ABCB5: variants seen among roughly 807,000 people sequenced by gnomAD.
ABCB5 encodes the protein ATP-binding cassette sub-family B member 5.
ABCB5 carries 155 observed loss-of-function variants against 144.2 expected under a neutral mutation model. The ratio of observed to expected loss-of-function variants is 1.08; its 90% CI spans 0.94 to 1.23. The LOEUF (loss-of-function observed/expected upper bound fraction) is 1.23, where lower values mean the gene tolerates loss of function less well. Among genes scored for constraint, ABCB5 ranks in the 50% most tolerant of loss-of-function variants. The pLI, the probability that ABCB5 is intolerant of heterozygous loss-of-function variation, is 0.00. For synonymous variants in ABCB5, 610 were observed against 528.6 expected, an observed-to-expected ratio of 1.15 and a Z score of -2.11; for missense variants, 1,830 against 1,520.8, an observed-to-expected ratio of 1.20 and a Z score of -3.38.
At chr7:20,648,794 T>A (rs1189259151) in intron 11 of ABCB5, among the ~76,000 whole-genome samples, 1 of 152,196 alleles carries the variant, frequency 6.6e-6, no homozygotes, top group African/African-American at 2.4e-5. Context: ...TACCTACTCC[T>A]ACTTCCTTAT....
intron 13 of ABCB5, among the ~76,000 whole-genome samples, chr7:20,654,751 A>C (rs1419447961): frequency 6.6e-6 from 1 of 152,214 alleles, no homozygotes; most frequent in African/African-American, 2.4e-5. Flanking sequence ...AATTTCAAGA[A>C]AAATGAAAAA....
intron 11 of ABCB5, among the ~76,000 whole-genome samples, chr7:20,649,403 C>T (rs575643535): frequency 6.6e-6 from 1 of 152,264 alleles, no homozygotes; most frequent in African/African-American, 2.4e-5. Flanking sequence ...AACAGGATCA[C>T]TGTTGTCATT....
At chr7:20,632,167 A>C (rs1784054126) in intron 5 of ABCB5, 54 bp downstream of exon 5, 13 of 1,277,356 alleles carry the variant, frequency 1.0e-5, no homozygotes, top group Non-Finnish European at 1.4e-5. Flanking sequence ...CTTTATTTAA[A>C]GCTTACAAGA....
At chr7:20,690,277 T>C (rs139140741) in intron 16 of ABCB5, among the ~76,000 whole-genome samples, 28 of 152,368 alleles carry the variant, frequency 1.8e-4, no homozygotes, top group African/African-American at 6.7e-4. Context: ...CCCTTATAGA[T>C]AATTTACAAT....
chr7:20,649,882 A>G, intron 11 of ABCB5, 140 bp from the exon 12 acceptor site: 5 of 864,454 alleles, frequency 5.8e-6, no homozygotes, highest in Non-Finnish European at 8.6e-6. Flanking sequence ...CTACACATGT[A>G]CATGAAACAA....
At chr7:20,623,237 T>C in intron 1 of ABCB5, 28 bp from the exon 2 acceptor site, 2 of 1,262,570 alleles carry the variant, frequency 1.6e-6, no homozygotes, top group Non-Finnish European at 2.3e-6. Flanking sequence ...CACATAGCCA[T>C]AATACATTTG....
chr7:20,665,782 T>TACAC (rs1463647922), intron 14 of ABCB5, among the ~76,000 whole-genome samples: 8 of 150,290 alleles, frequency 5.3e-5, no homozygotes, highest in Non-Finnish European at 1.2e-4. Context: ...CATACATACA[T>TACAC]ACATACATAC....
Position 20,681,506 on chromosome 7 carries a change from C to T in ABCB5, c.1709C>T (p.Ala570Val), listed in dbSNP as rs150650141. The T allele has an allele frequency of 2.4e-5, 38 of 1,613,790 alleles. No individual in the cohort carries two copies. The African/African-American group carries it at 2.8e-4, about 12-fold the overall frequency. The change falls in exon 15 of 28, where the codon GCG (alanine) becomes GTG (valine). Residue 570 changes from alanine (A) to valine (V), a missense_variant and splice_region_variant. Transcript: ENST00000404938. Reference protein sequence around the residue: ...KSAVQAALEKASKGRTTIVVA... With the variant: ...KSAVQAALEKVSKGRTTIVVA... ...TTTTCTATGCATTTTATTCTGTAGG[C>T]GAGCAAAGGTCGGACTACAATCGTG... is the stretch of plus-strand genomic sequence containing the variant.
chr7:20,706,426 A>T (rs1401770434), intron 20 of ABCB5, among the ~76,000 whole-genome samples: 1 of 152,216 alleles, frequency 6.6e-6, no homozygotes, highest in Non-Finnish European at 1.5e-5. Flanking sequence ...TGAAAAACCA[A>T]ATTATACTGA....
intron 5 of ABCB5, among the ~76,000 whole-genome samples, chr7:20,636,877 T>C (rs543317536): frequency 6.6e-6 from 1 of 152,010 alleles, no homozygotes; most frequent in East Asian, 1.9e-4. Flanking sequence ...AGTATGTTAA[T>C]ATTTTTGAAA....
chr7:20,731,351 TC>T (rs1435680840), intron 23 of ABCB5, among the ~76,000 whole-genome samples: 4 of 57,626 alleles, frequency 6.9e-5, no homozygotes, highest in Non-Finnish European at 9.3e-5. Context: ...AGACTCCAAC[TC>T]AGGAAAAAAA....
chr7:20,709,320 G>T (rs1278095845), intron 20 of ABCB5, among the ~76,000 whole-genome samples: 1 of 149,824 alleles, frequency 6.7e-6, no homozygotes, highest in Non-Finnish European at 1.5e-5. Context: ...AAGAAATTCT[G>T]CTAAGACAAG....
intron 1 of ABCB5, among the ~76,000 whole-genome samples, chr7:20,619,967 G>C (rs1050640944): frequency 1.3e-5 from 2 of 152,066 alleles, no homozygotes; most frequent in Non-Finnish European, 2.9e-5. Context: ...CTTTGTTAAC[G>C]ATCAGATGGC....
chr7:20,665,760 T>TAG (rs113676764), intron 14 of ABCB5, among the ~76,000 whole-genome samples: 232 of 138,156 alleles, frequency 1.7e-3, no homozygotes, highest in Middle Eastern at 3.5e-3. Flanking sequence ...GATAGATAGA[T>TAG]AGATAGAGAT....
intron 9 of ABCB5, among the ~76,000 whole-genome samples, chr7:20,646,486 G>A (rs1050533181): frequency 3.9e-5 from 6 of 152,088 alleles, no homozygotes; most frequent in Non-Finnish European, 7.4e-5. Flanking sequence ...GAGATCAGAC[G>A]GAGTTCTGCA....
At chr7:20,632,452 T>C (rs1449805967) in intron 5 of ABCB5, among the ~76,000 whole-genome samples, 1 of 152,194 alleles carries the variant, frequency 6.6e-6, no homozygotes, top group African/African-American at 2.4e-5. Flanking sequence ...TTATATTTCT[T>C]ATGAGCCTCA....
rs1381299021 is a variant in ABCB5 at position 20,739,060 on chromosome 7, A to G, written c.2945A>G (p.Lys982Arg). ...TTGGCTCCTGAATATTCCAAAGCCA[A>G]ATCGGGGGCTGCGCATCTGTTTGCC... ...LVLAPEYSKA[K>R]SGAAHLFALL... The change falls in exon 24 of 28, where the codon AAA becomes AGA. Residue 982 changes from lysine (K) to arginine (R), a missense_variant. Transcript: ENST00000404938. 1 of 1,612,794 alleles carries G rather than the reference A, an allele frequency of 6.2e-7. No homozygotes were observed. The highest frequency in any genetic ancestry group is 1.1e-5 in the South Asian group (1 of 90,748).
At chr7:20,725,229 C>T (rs1032306906) in intron 21 of ABCB5, among the ~76,000 whole-genome samples, 51 of 152,274 alleles carry the variant, frequency 3.3e-4, no homozygotes, top group African/African-American at 1.2e-3. Flanking sequence ...TAAAATGTAT[C>T]GGTCCTTCTT....
At chr7:20,689,047 C>T (rs1786114316) in intron 16 of ABCB5, among the ~76,000 whole-genome samples, 1 of 152,088 alleles carries the variant, frequency 6.6e-6, no homozygotes, top group Admixed American at 6.5e-5. Flanking sequence ...AGCACACCAA[C>T]ATGGCACATG....
Sources: allele counts gnomAD v4.1 joint callset (sites outside exome capture counted in the v4.1 genomes callset), GRCh38; gene constraint gnomAD v4.1.1; transcripts MANE v1.5; gene names NCBI Gene and HGNC (gene_info 2026-07-23, HGNC 2026-07-21).